The following CERT1 variants were observed in gnomAD, a reference collection of about 807,000 sequenced individuals.
CERT1 encodes ceramide transfer protein.
A neutral mutation model predicts 87.9 loss-of-function variants in CERT1; 31 were observed. The ratio of observed to expected loss-of-function variants is 0.35; its 90% CI spans 0.27 to 0.48. The LOEUF (loss-of-function observed/expected upper bound fraction) is 0.48, where lower values mean the gene tolerates loss of function less well. Among genes scored for constraint, CERT1 ranks in the 20% least tolerant of loss-of-function variants. The pLI, the probability that CERT1 is intolerant of heterozygous loss-of-function variation, is 0.99. For synonymous variants in CERT1, 289 were observed against 250.9 expected (o/e 1.15, Z -1.44); for missense variants, 487 against 758.0 (o/e 0.64, Z 4.20).
intron 2 of CERT1, among the ~76,000 whole-genome samples, chr5:75,487,693 C>T (rs1237502883): frequency 6.6e-6 from 1 of 151,940 alleles, no homozygotes; most frequent in Non-Finnish European, 1.5e-5. Context: ...CAAAAGACAA[C>T]ATACACTGGG....
intron 2 of CERT1, among the ~76,000 whole-genome samples, chr5:75,502,169 A>T (rs1259348140): frequency 6.6e-6 from 1 of 152,192 alleles, no homozygotes; most frequent in African/African-American, 2.4e-5. Flanking sequence ...TGGAAAAGGA[A>T]AAAGAAATAA....
chr5:75,370,942 ACT>A (rs1197486143), intron 17 of CERT1: 1 of 126,106 alleles, frequency 7.9e-6, no homozygotes, highest in Non-Finnish European at 1.6e-5. Flanking sequence ...ACAAAGCAAG[ACT>A]CTGTCTCCAA....
chr5:75,446,734 C>T (rs1764553764), intron 3 of CERT1, among the ~76,000 whole-genome samples: 1 of 152,140 alleles, frequency 6.6e-6, no homozygotes, highest in Non-Finnish European at 1.5e-5. Context: ...GTAAGGTCTT[C>T]TTCGGATTTT....
chr5:75,444,574 A>T, intron 3 of CERT1, among the ~76,000 whole-genome samples: 1 of 133,140 alleles, frequency 7.5e-6, no homozygotes. Context: ...TTTGAGACAG[A>T]GTCTCATTCT....
chr5:75,493,197 C>T, intron 2 of CERT1, among the ~76,000 whole-genome samples: 1 of 152,206 alleles, frequency 6.6e-6, no homozygotes, highest in East Asian at 1.9e-4. Flanking sequence ...AATGAACCCT[C>T]TTACCATCAT....
rs879290541 is a variant in CERT1, at chr5:75,484,462, T to TA, written c.231+21519dup. ...CAAAAGACAGAGTGACTGAATGGATTAAAAAAAAAAAAAGCAAGACCCAAT... is the reference window on the plus strand; with the variant it reads ...CAAAAGACAGAGTGACTGAATGGATTAAAAAAAAAAAAAAGCAAGACCCAAT... On this transcript the variant is annotated intron_variant, in intron 2 of 16. Coordinates refer to ENST00000643780, the MANE Select transcript of CERT1 (RefSeq NM_001379029.1). Among the ~76,000 whole-genome samples, 1,239 of 137,400 alleles carry TA rather than the reference T, an allele frequency of 9.0e-3. 2 individuals are homozygous for TA. Among genetic ancestry groups the TA allele is most frequent in the East Asian group, 0.033 (156 of 4,792 alleles). 90.1% of individuals were successfully genotyped at this position (137,400 alleles called of 152,430 possible).
chr5:75,467,358 G>C (rs1473082641), intron 2 of CERT1, among the ~76,000 whole-genome samples: 2 of 152,098 alleles, frequency 1.3e-5, no homozygotes, highest in Non-Finnish European at 2.9e-5. Flanking sequence ...GGTAGCATAT[G>C]AAGCCGGACG....
chr5:75,393,708 G>GTAATCACA (rs1762127132), intron 11 of CERT1, among the ~76,000 whole-genome samples: 1 of 150,922 alleles, frequency 6.6e-6, no homozygotes, highest in Admixed American at 6.7e-5. Context: ...GCTCATGCCT[G>GTAATCACA]TAATCACAGC....
intron 3 of CERT1, among the ~76,000 whole-genome samples, chr5:75,441,728 A>G (rs1008359108): frequency 5.3e-5 from 8 of 152,206 alleles, no homozygotes; most frequent in African/African-American, 1.4e-4. Context: ...CTTCAGTAGC[A>G]TGTGGCAGAA....
At chr5:75,459,867 G>A (rs1014252481) in intron 2 of CERT1, among the ~76,000 whole-genome samples, 2 of 150,308 alleles carry the variant, frequency 1.3e-5, no homozygotes, top group African/African-American at 4.9e-5. Context: ...GGAGGCTGAG[G>A]CAGAGAATTG....
intron 3 of CERT1, among the ~76,000 whole-genome samples, chr5:75,454,585 G>A (rs1376779278): frequency 9.2e-5 from 14 of 152,204 alleles, no homozygotes. Flanking sequence ...CAGTGCGGTG[G>A]TGTTTCAAGA....
At chr5:75,392,724 C>T (rs1762075451) in intron 11 of CERT1, among the ~76,000 whole-genome samples, 1 of 151,906 alleles carries the variant, frequency 6.6e-6, no homozygotes, top group Non-Finnish European at 1.5e-5. Context: ...AATCCCAGCA[C>T]TTTGGGAGGC....
At chr5:75,452,954 T>A in intron 3 of CERT1, among the ~76,000 whole-genome samples, 1 of 152,324 alleles carries the variant, frequency 6.6e-6, no homozygotes. Context: ...TGGTCTGGTA[T>A]ACATATGTCC....
chr5:75,461,797 A>G (rs1329739289), intron 2 of CERT1, among the ~76,000 whole-genome samples: 2 of 151,296 alleles, frequency 1.3e-5, no homozygotes, highest in African/African-American at 2.4e-5. Context: ...TGAATAACAC[A>G]AAAGTTTTAC....
At chr5:75,382,796 A>C (rs1294277267) in intron 14 of CERT1, among the ~76,000 whole-genome samples, 2 of 152,016 alleles carry the variant, frequency 1.3e-5, no homozygotes, top group African/African-American at 4.8e-5. Context: ...ATCATTTGCA[A>C]GATGAAATGA....
chr5:75,485,036 A>G (rs1032311001), intron 2 of CERT1, among the ~76,000 whole-genome samples: 2 of 152,190 alleles, frequency 1.3e-5, no homozygotes, highest in African/African-American at 2.4e-5. Flanking sequence ...CCACAATGCA[A>G]TAATACTACA....
chr5:75,394,661 G>T (rs1762174518), intron 11 of CERT1, among the ~76,000 whole-genome samples: 1 of 152,104 alleles, frequency 6.6e-6, no homozygotes, highest in South Asian at 2.1e-4. Flanking sequence ...GGAGGTCAAG[G>T]TGCAGTGAGT....
intron 7 of CERT1, among the ~76,000 whole-genome samples, chr5:75,412,875 C>A (rs1230022968): frequency 6.6e-6 from 1 of 152,146 alleles, no homozygotes; most frequent in Non-Finnish European, 1.5e-5. Context: ...TTTAACACTG[C>A]ATACTTAGGC....
chr5:75,497,758 C>T (rs529394042), intron 2 of CERT1, among the ~76,000 whole-genome samples: 3 of 152,104 alleles, frequency 2.0e-5, no homozygotes, highest in South Asian at 2.1e-4. Flanking sequence ...TACCCAGTCT[C>T]GGGTATTTCT....
Sources: gnomAD v4.1 joint callset for allele counts (sites outside exome capture counted in the v4.1 genomes callset) on GRCh38, gnomAD v4.1.1 for gene constraint, MANE v1.5 for transcripts, NCBI Gene and HGNC (gene_info 2026-07-23, HGNC 2026-07-21) for gene names.